The following TUBGCP2 variants were observed in gnomAD, a reference collection of about 807,000 sequenced individuals.
The protein encoded by TUBGCP2 is gamma-tubulin complex component 2.
In TUBGCP2, 55 loss-of-function variants were observed where a neutral mutation model predicts 92.2. The observed-to-expected ratio is 0.60, with a 90% CI of 0.48 to 0.75. The LOEUF is 0.75. Among genes scored for constraint, TUBGCP2 ranks in the 30% least tolerant of loss-of-function variants. The pLI, the probability that TUBGCP2 is intolerant of heterozygous loss-of-function variation, is 0.00. For synonymous variants in TUBGCP2, 533 were observed against 505.2 expected (o/e 1.06, Z -0.74); for missense variants, 1,093 against 1,188.9 (o/e 0.92, Z 1.19).
chr10:133,293,359 G>A, intron 6 of TUBGCP2, 121 bp from the exon 7 acceptor site: 2 of 1,303,372 alleles, frequency 1.5e-6, no homozygotes, highest in South Asian at 1.4e-5. Flanking sequence ...ACATCCCAGA[G>A]GGGAACTTTT....
rs1354706870 is a variant in TUBGCP2, at chr10:133,291,268, C to CT, written c.1214+1230_1214+1231insA. Among the ~76,000 whole-genome samples, 44 of 48,490 alleles carry CT rather than the reference C, an allele frequency of 9.1e-4. 2 individuals are homozygous for CT. The highest frequency in any genetic ancestry group is 2.2e-3 in the Admixed American group (9 of 4,170). 31.8% of individuals were successfully genotyped at this position (48,490 alleles called of 152,430 possible). ...GTGTCCCCCATGTCCCTCCGTGTCC[C>CT]CCATGTCCCTCCGTGTCCCTGTGTC... On this transcript the variant is annotated intron_variant, in intron 8 of 17. Coordinates refer to ENST00000252936, the MANE Select transcript of TUBGCP2 (RefSeq NM_006659.4).
chr10:133,304,158 C>A (rs1238385797), intron 1 of TUBGCP2, among the ~76,000 whole-genome samples: 1 of 152,184 alleles, frequency 6.6e-6, no homozygotes, highest in African/African-American at 2.4e-5. Flanking sequence ...CAGTGAGACT[C>A]TGTCTCTACA....
chr10:133,306,357 A>T (rs912137810), intron 1 of TUBGCP2, among the ~76,000 whole-genome samples: 2 of 152,224 alleles, frequency 1.3e-5, no homozygotes, highest in African/African-American at 4.8e-5. Flanking sequence ...AGGTTGTCCT[A>T]TAACTGCTGG....
chr10:133,300,075 A>G lies in TUBGCP2; in HGVS notation c.189T>C (p.Phe63=). 2 of 1,614,166 alleles carry G rather than the reference A, an allele frequency of 1.2e-6. No individual in the cohort carries two copies. Among genetic ancestry groups the G allele is most frequent in the Non-Finnish European group, 1.7e-6 (2 of 1,180,004 alleles). The change falls in exon 3 of 18, where the codon TTT becomes TTC. Residue 63 remains phenylalanine, a synonymous_variant. Coordinates refer to ENST00000252936, the MANE Select transcript of TUBGCP2 (RefSeq NM_006659.4). The part of the protein sequence containing the change: ...IAEFSRTPED[F]LKKYDELKSK... ...ATTTCAGTTCATCATATTTCTTTAG[A>G]AAGTCTTCTGGAGTACGAGAAAACT... is the stretch of plus-strand genomic sequence containing the variant.
At chr10:133,297,662 G>C (rs1200029103) in intron 5 of TUBGCP2, among the ~76,000 whole-genome samples, 1 of 152,228 alleles carries the variant, frequency 6.6e-6, no homozygotes, top group Non-Finnish European at 1.5e-5. Context: ...GGCTGGGGAG[G>C]GGCCTGCTGC....
chr10:133,310,182 G>A (rs1847957600), upstream of TUBGCP2: 2 of 1,613,986 alleles, frequency 1.2e-6, no homozygotes, highest in South Asian at 1.1e-5. Context: ...CTTGGTAGAA[G>A]GCTGCACAGA....
intron 6 of TUBGCP2, 73 bp downstream of exon 6, chr10:133,293,489 A>G: frequency 6.7e-7 from 1 of 1,490,206 alleles, no homozygotes; most frequent in Non-Finnish European, 9.1e-7. Flanking sequence ...AGACGTCCCC[A>G]TGGTCATCAG....
rs1554935346 is a variant in TUBGCP2, at chr10:133,289,811, C to CGCTGCGCTGCGGACGCCAAGTCCCTGCCT, written c.1360+12_1360+13insAGGCAGGGACTTGGCGTCCGCAGCGCAGC. 4 of 1,613,016 alleles carry CGCTGCGCTGCGGACGCCAAGTCCCTGCCT rather than the reference C, an allele frequency of 2.5e-6. No individual in the cohort carries two copies. The African/African-American group carries it at 5.4e-5, about 22-fold the overall frequency. On this transcript the variant is annotated intron_variant, in intron 9 of 17. Transcript: ENST00000252936. ...GTGCTGCGCACCCCAAGTCCCCGCC[C>CGCTGCGCTGCGGACGCCAAGTCCCTGCCT]GCTGCGCCGCACCTGTGCTGAGGAT...
chr10:133,284,135 G>A (rs1330705527), intron 13 of TUBGCP2, 133 bp from the exon 14 acceptor site: 68 of 1,382,142 alleles, frequency 4.9e-5, no homozygotes, highest in Non-Finnish European at 6.1e-5. Context: ...CAGAGCAAGC[G>A]CCCCTCCCAG....
chr10:133,308,640 G>C, intron 1 of TUBGCP2, 183 bp downstream of exon 1: 1 of 201,908 alleles, frequency 5.0e-6, no homozygotes, highest in Non-Finnish European at 9.9e-6. Flanking sequence ...GGGGCAAGAC[G>C]CTGGCCTGGC....
At chr10:133,282,492 A>C (rs1164590738) in intron 15 of TUBGCP2, 150 bp from the exon 16 acceptor site, 2 of 1,157,702 alleles carry the variant, frequency 1.7e-6, no homozygotes, top group Admixed American at 6.6e-5. Context: ...CTGCAGGGGA[A>C]ATGACTTATC....
intron 5 of TUBGCP2, chr10:133,297,189 G>A (rs1457801276): frequency 1.0e-5 from 3 of 294,832 alleles, no homozygotes; most frequent in Admixed American, 5.0e-5. Context: ...ATCACCAGAG[G>A]TCAGGAGTTC....
intron 5 of TUBGCP2, among the ~76,000 whole-genome samples, chr10:133,294,439 GC>G: frequency 6.6e-6 from 1 of 152,206 alleles, no homozygotes. Context: ...GGCCCTGGCA[GC>G]TCAGGAAGGC....
Position 133,308,860 on chromosome 10 carries a change from C to A in TUBGCP2, c.-77G>T, listed in dbSNP as rs1465667531. 2 of 1,150,198 alleles carry A rather than the reference C, an allele frequency of 1.7e-6. No individual in the cohort carries two copies. The highest frequency in any genetic ancestry group is 2.2e-6 in the Non-Finnish European group (2 of 923,236). 71.2% of individuals were successfully genotyped at this position (1,150,198 alleles called of 1,614,324 possible). A position where few individuals can be genotyped will look rare whatever the true frequency, so the allele number is the denominator to read the frequency against. ...GCCACAGCCCCCGCGCAGCCCCCGA[C>A]GGCGGCGGAAGTGAGCGTGACGTCA... is the stretch of plus-strand genomic sequence containing the variant. On this transcript the variant is annotated 5_prime_UTR_variant, in exon 1 of 18. Transcript: ENST00000252936.
rs1482771691 is a variant in TUBGCP2 at position 133,283,090 on chromosome 10, G to A, written c.2277C>T (p.Thr759=). 3 of 1,614,202 alleles carry A rather than the reference G, an allele frequency of 1.9e-6. No individual in the cohort carries two copies. Among genetic ancestry groups the A allele is most frequent in the Non-Finnish European group, 1.7e-6 (2 of 1,180,034 alleles). Residue 759 remains threonine, a synonymous_variant, in exon 15 of 18, where the codon ACC becomes ACT. Transcript: ENST00000252936. ...CACACCCACGCACCTGCATGCAGTT[G>A]GTGAACATGACGCACACAGACATGA... is the stretch of plus-strand genomic sequence containing the variant. ...SKLMSVCVMF[T]NCMQKFTQSM...
chr10:133,286,559 C>T (rs1488065265), intron 11 of TUBGCP2, among the ~76,000 whole-genome samples: 1 of 152,108 alleles, frequency 6.6e-6, no homozygotes, highest in Non-Finnish European at 1.5e-5. Context: ...CCCAACAGCA[C>T]CGAGGGCGCG....
chr10:133,302,319 C>A (rs1331474428), intron 2 of TUBGCP2: 17 of 221,992 alleles, frequency 7.7e-5, no homozygotes, highest in Non-Finnish European at 1.8e-5. Flanking sequence ...GCAGTGCTCA[C>A]CCTGCACCAT....
rs1470340786 is a variant in TUBGCP2 at position 133,279,229 on chromosome 10, G to C, written c.*537C>G. The C allele has an allele frequency of 6.5e-6, 1 of 154,008 alleles. No individual in the cohort carries two copies. Among genetic ancestry groups the C allele is most frequent in the East Asian group, 1.9e-4 (1 of 5,212 alleles). The allele number at this position is 154,008 out of a possible 1,614,324, so 9.5% of individuals were successfully genotyped here. ...GCCCTGTCTGTGGCCTCCTGCCCTG[G>C]ACCAGTTGGAGCAGCAGCAGGAGGA... On this transcript the variant is annotated 3_prime_UTR_variant, in exon 18 of 18. Transcript: ENST00000252936.
upstream of TUBGCP2, chr10:133,312,288 C>G (rs1350494544): frequency 8.1e-7 from 1 of 1,234,860 alleles, no homozygotes; most frequent in South Asian, 2.1e-5. Flanking sequence ...TACTGTCTGC[C>G]TTTCTAGCGT....
Sources: allele counts gnomAD v4.1 joint callset (sites outside exome capture counted in the v4.1 genomes callset), GRCh38; gene constraint gnomAD v4.1.1; transcripts MANE v1.5; gene names NCBI Gene and HGNC (gene_info 2026-07-23, HGNC 2026-07-21).